INPP4B: variants seen among roughly 807,000 people sequenced by gnomAD.
The protein encoded by INPP4B is inositol polyphosphate-4-phosphatase type II B, also known as inositol polyphosphate 4-phosphatase type II.
A neutral mutation model predicts 122.5 loss-of-function variants in INPP4B; 55 were observed. The ratio of observed to expected loss-of-function variants is 0.45; its 90% CI spans 0.36 to 0.56. The LOEUF (loss-of-function observed/expected upper bound fraction) is 0.56, where lower values mean the gene tolerates loss of function less well. Among genes scored for constraint, INPP4B ranks in the 20% least tolerant of loss-of-function variants. The pLI is 0.00. For missense variants in INPP4B, 1,000 were observed against 1,097.7 expected (o/e 0.91, Z 1.26); for synonymous variants, 403 against 388.7 (o/e 1.04, Z -0.43).
chr4:142,822,252 G>A (rs1296858459), intron 1 of INPP4B, among the ~76,000 whole-genome samples: 2 of 152,294 alleles, frequency 1.3e-5, no homozygotes, highest in African/African-American at 4.8e-5. Flanking sequence ...CACTTTAAGT[G>A]CATTATCATT....
At chr4:142,159,750 C>A (rs961438874) in intron 17 of INPP4B, among the ~76,000 whole-genome samples, 11 of 151,916 alleles carry the variant, frequency 7.2e-5, no homozygotes, top group Non-Finnish European at 1.3e-4. Context: ...CCATCATATT[C>A]GGCCCAACTA....
intron 2 of INPP4B, among the ~76,000 whole-genome samples, chr4:142,515,187 G>T (rs1266173118): frequency 1.3e-5 from 2 of 152,088 alleles, no homozygotes; most frequent in Non-Finnish European, 2.9e-5. Flanking sequence ...CTCTTTGAAT[G>T]GCCTCCTGAA....
chr4:142,333,028 CA>C lies in INPP4B; in HGVS notation c.373-18267del, dbSNP rs1332980597. Among the ~76,000 whole-genome samples the C allele has an allele frequency of 2.6e-4, 32 of 125,044 alleles. 1 individual carries two copies. The highest frequency in any genetic ancestry group is 8.9e-4 in the East Asian group (4 of 4,498). 82.0% of individuals were successfully genotyped at this position (125,044 alleles called of 152,430 possible). On this transcript the variant is annotated intron_variant, in intron 7 of 25. Coordinates refer to ENST00000262992, the MANE Select transcript of INPP4B (RefSeq NM_001101669.3). ...TCCGTCTCAAAAAAAAAAAAAAAAA[CA>C]AAAAAAAAACCTTCTAAAACCGCAG...
At position 142,146,007 on chromosome 4, in the gene INPP4B, C is replaced by T. The variant is rs761057082; in HGVS notation, c.1564-11G>A. ...GGCCCACACCCTGTCCTGAAAAAAGCATGAGTATCACTACATATTTTTGTC... is the reference window on the plus strand; with the variant it reads ...GGCCCACACCCTGTCCTGAAAAAAGTATGAGTATCACTACATATTTTTGTC... On this transcript the variant is annotated splice_polypyrimidine_tract_variant and intron_variant, in intron 17 of 25. Transcript: ENST00000262992. 6.2e-7 allele frequency: 1 copy of T among 1,607,108 alleles called. No individual in the cohort carries two copies. Among genetic ancestry groups the T allele is most frequent in the Non-Finnish European group, 8.5e-7 (1 of 1,175,898 alleles).
At chr4:142,790,954 T>C (rs776027851) in intron 1 of INPP4B, among the ~76,000 whole-genome samples, 2 of 152,046 alleles carry the variant, frequency 1.3e-5, no homozygotes, top group African/African-American at 4.8e-5. Flanking sequence ...ACAAACTCCA[T>C]TGCAAGTTTT....
At chr4:142,713,912 A>G (rs1221215063) in intron 2 of INPP4B, among the ~76,000 whole-genome samples, 2 of 152,226 alleles carry the variant, frequency 1.3e-5, no homozygotes, top group East Asian at 3.8e-4. Flanking sequence ...GTTTTCTTCT[A>G]AAGCAGCATT....
At chr4:142,477,959 C>T (rs1487249542) in intron 2 of INPP4B, among the ~76,000 whole-genome samples, 1 of 152,152 alleles carries the variant, frequency 6.6e-6, no homozygotes, top group African/African-American at 2.4e-5. Flanking sequence ...TGCACCACCA[C>T]ACCTAGCTAA....
At chr4:142,244,830 C>A (rs965287524) in intron 11 of INPP4B, among the ~76,000 whole-genome samples, 3 of 152,174 alleles carry the variant, frequency 2.0e-5, no homozygotes, top group Admixed American at 2.0e-4. Context: ...GTTGAACTAA[C>A]TTACACTCCT....
At chr4:142,161,250 C>G (rs1819944908) in intron 16 of INPP4B, among the ~76,000 whole-genome samples, 1 of 151,932 alleles carries the variant, frequency 6.6e-6, no homozygotes, top group African/African-American at 2.4e-5. Context: ...TGGCAAATAC[C>G]TAGTACGTAC....
chr4:142,144,566 G>C (rs545432499), intron 18 of INPP4B, among the ~76,000 whole-genome samples: 1 of 152,096 alleles, frequency 6.6e-6, no homozygotes, highest in South Asian at 2.1e-4. Flanking sequence ...TTCATGTAAA[G>C]TTATGAAGCT....
intron 9 of INPP4B, among the ~76,000 whole-genome samples, chr4:142,272,821 T>C (rs1746509968): frequency 6.6e-6 from 1 of 152,078 alleles, no homozygotes. Flanking sequence ...AGATTTCTTT[T>C]TCATCAAAAC....
intron 7 of INPP4B, among the ~76,000 whole-genome samples, chr4:142,360,477 T>C (rs1497396): frequency 0.42 from 63,490 of 151,792 alleles, 13,655 homozygotes; most frequent in East Asian, 0.64. Flanking sequence ...GGGAAATTCA[T>C]AGGTTACCCT....
intron 14 of INPP4B, among the ~76,000 whole-genome samples, chr4:142,200,299 T>C (rs1840110447): frequency 6.6e-6 from 1 of 151,956 alleles, no homozygotes; most frequent in Non-Finnish European, 1.5e-5. Flanking sequence ...GTCATTACTT[T>C]CTAGAGCCAC....
intron 5 of INPP4B, among the ~76,000 whole-genome samples, chr4:142,405,781 C>T (rs1328936194): frequency 6.6e-6 from 1 of 152,054 alleles, no homozygotes. Context: ...TATGTATTCA[C>T]TAGAACTGGC....
chr4:142,448,129 G>A (rs1377952035), intron 3 of INPP4B, among the ~76,000 whole-genome samples: 8 of 152,030 alleles, frequency 5.3e-5, no homozygotes, highest in South Asian at 2.1e-4. Context: ...TGACAGGGAT[G>A]TGAGGCATCA....
intron 2 of INPP4B, among the ~76,000 whole-genome samples, chr4:142,721,418 A>G (rs1764659341): frequency 6.6e-6 from 1 of 152,208 alleles, no homozygotes; most frequent in African/African-American, 2.4e-5. Context: ...ATGGAGTGGC[A>G]CAAAGCCAGT....
chr4:142,642,650 A>G, intron 2 of INPP4B, among the ~76,000 whole-genome samples: 1 of 152,202 alleles, frequency 6.6e-6, no homozygotes. Context: ...TACCAGTACC[A>G]TGCTGTTTTG....
At chr4:142,762,297 T>C (rs1287270934) in intron 1 of INPP4B, among the ~76,000 whole-genome samples, 1 of 152,058 alleles carries the variant, frequency 6.6e-6, no homozygotes, top group East Asian at 1.9e-4. Context: ...CCCACCTCAC[T>C]TCTCTAACTG....
intron 25 of INPP4B, chr4:142,029,554 A>G: frequency 1.0e-6 from 1 of 985,646 alleles, no homozygotes; most frequent in Non-Finnish European, 1.2e-6. Flanking sequence ...TCTGAAAGCC[A>G]AATCAACCCA....
Sources: allele counts gnomAD v4.1 joint callset (sites outside exome capture counted in the v4.1 genomes callset), GRCh38; gene constraint gnomAD v4.1.1; transcripts MANE v1.5; gene names NCBI Gene and HGNC (gene_info 2026-07-23, HGNC 2026-07-21).